FRMD4A: variants seen among roughly 807,000 people sequenced by gnomAD.
The protein encoded by FRMD4A is FERM domain containing 4A.
Under a neutral mutation model 129.1 loss-of-function variants are expected in FRMD4A, and 29 were observed. The ratio of observed to expected loss-of-function variants is 0.22; its 90% CI spans 0.17 to 0.31. The LOEUF is 0.31. Among genes scored for constraint, FRMD4A ranks in the 10% least tolerant of loss-of-function variants. FRMD4A has a pLI of 1.00. For synonymous variants in FRMD4A, 634 were observed against 571.6 expected, an observed-to-expected ratio of 1.11 and a Z score of -1.56; for missense variants, 1,272 against 1,375.8, an observed-to-expected ratio of 0.92 and a Z score of 1.19.
At position 13,821,402 on chromosome 10, in the gene FRMD4A, G is replaced by A. The variant is rs139454554; in HGVS notation, c.112-10494C>T. Among the ~76,000 whole-genome samples, 1 of 152,272 alleles carries A rather than the reference G, an allele frequency of 6.6e-6. No individual in the cohort carries two copies. Among genetic ancestry groups the A allele is most frequent in the African/African-American group, 2.4e-5 (1 of 41,548 alleles). On this transcript the variant is annotated intron_variant, in intron 3 of 24. Transcript: ENST00000357447. The surrounding 1 kb of genome is among the most constrained non-coding windows in gnomAD (Gnocchi z 4.3). ...GAGAGACCCCGAAGCCAAGATCAGA[G>A]ACCCGCCTGCCAGAGGTGGCATCTC...
chr10:14,091,794 A>G (rs1421147048), intron 2 of FRMD4A, among the ~76,000 whole-genome samples: 1 of 152,252 alleles, frequency 6.6e-6, no homozygotes, highest in Non-Finnish European at 1.5e-5. Context: ...GAGGAAACCA[A>G]TAGAAGCTTG....
In FRMD4A at chr10:13,750,085, A is replaced by G. The variant is rs1007670107; in HGVS notation, c.465-2266T>C. On this transcript the variant is annotated intron_variant, in intron 8 of 24. Transcript: ENST00000357447. ...GGAAGGAAGGAAGAAAGAAAGAAAG[A>G]AAGAAAGAAAGAAAGAAAGAAATGA... is the stretch of plus-strand genomic sequence containing the variant. 6.1e-3 allele frequency among the ~76,000 whole-genome samples: 495 copies of G among 80,670 alleles called. 8 individuals are homozygous for G. The highest frequency in any genetic ancestry group is 0.053 in the South Asian group (104 of 1,958). The allele number at this position is 80,670 out of a possible 152,430, so 52.9% of individuals were successfully genotyped here.
chr10:13,994,858 C>T (rs759726268), intron 2 of FRMD4A, among the ~76,000 whole-genome samples: 6 of 152,200 alleles, frequency 3.9e-5, no homozygotes, highest in Non-Finnish European at 7.3e-5. Flanking sequence ...TTCCAGGTTG[C>T]AATGTGCCTC....
At chr10:14,153,073 C>G (rs1374799196) in intron 2 of FRMD4A, among the ~76,000 whole-genome samples, 1 of 152,152 alleles carries the variant, frequency 6.6e-6, no homozygotes, top group Non-Finnish European at 1.5e-5. Context: ...GCCCTACTGC[C>G]CTACTGTGGT....
At chr10:13,862,495 G>C (rs2094308263) in intron 2 of FRMD4A, among the ~76,000 whole-genome samples, 1 of 152,200 alleles carries the variant, frequency 6.6e-6, no homozygotes, top group Admixed American at 6.5e-5. Context: ...ATTTAAGGAA[G>C]TAACTATTTA....
At chr10:13,935,906 CCATTGCAT>C (rs61238756) in intron 2 of FRMD4A, among the ~76,000 whole-genome samples, 4,861 of 152,258 alleles carry the variant, frequency 0.032, 319 homozygotes, top group East Asian at 0.26. Context: ...TGTGTGCTTT[CCATTGCAT>C]CAGGTTGCCC....
intron 2 of FRMD4A, among the ~76,000 whole-genome samples, chr10:14,111,661 C>A (rs948727306): frequency 1.3e-5 from 2 of 151,952 alleles, no homozygotes; most frequent in South Asian, 2.1e-4. Flanking sequence ...TGAAACCTAC[C>A]TACTATGGGC....
chr10:14,262,795 G>C (rs1301392409), intron 2 of FRMD4A, among the ~76,000 whole-genome samples: 1 of 152,194 alleles, frequency 6.6e-6, no homozygotes. Flanking sequence ...AGACCACCAT[G>C]CTGGTTCATG....
Position 14,188,390 on chromosome 10 carries a change from A to G in FRMD4A, c.45+141668T>C, listed in dbSNP as rs78762500. ...TATTGAAAATGTATAATAGCTTCTC[A>G]TTATACAAGCTCTTCACTTTGGCTT... On this transcript the variant is annotated intron_variant, in intron 2 of 24. Transcript: ENST00000357447. 8.2e-3 allele frequency among the ~76,000 whole-genome samples: 1,246 copies of G among 152,226 alleles called. 14 individuals carry two copies. The highest frequency in any genetic ancestry group is 0.028 in the African/African-American group (1,173 of 41,528).
intron 16 of FRMD4A, among the ~76,000 whole-genome samples, chr10:13,670,869 TGCCAGGCAAGGTCACCCA>T (rs950822433): frequency 6.6e-6 from 1 of 152,220 alleles, no homozygotes; most frequent in African/African-American, 2.4e-5. Context: ...GCCTCCTCTG[TGCCAGGCAAGGTCACCCA>T]GCCAGTGAGG....
intron 12 of FRMD4A, chr10:13,729,544 T>G (rs964172242): frequency 6.6e-6 from 1 of 152,220 alleles, no homozygotes; most frequent in African/African-American, 2.4e-5. Flanking sequence ...TGTCTCATCA[T>G]CTCATTTCAT....
chr10:14,318,612 CAAA>C (rs66547751), intron 2 of FRMD4A, among the ~76,000 whole-genome samples: 149 of 135,014 alleles, frequency 1.1e-3, no homozygotes, highest in Middle Eastern at 3.8e-3. Context: ...TGCTAGTATG[CAAA>C]AAAAAAAAAA....
chr10:14,320,039 A>C (rs576152011), intron 2 of FRMD4A, among the ~76,000 whole-genome samples: 2 of 151,998 alleles, frequency 1.3e-5, no homozygotes, highest in South Asian at 4.2e-4. Context: ...AGAATGTTTC[A>C]GAATTCATTC....
intron 2 of FRMD4A, among the ~76,000 whole-genome samples, chr10:14,300,239 A>C (rs892889187): frequency 3.9e-5 from 6 of 152,118 alleles, no homozygotes; most frequent in Admixed American, 6.6e-5. Flanking sequence ...CTCTGACGTT[A>C]AACTGCTTTA....
At chr10:14,315,877 A>G (rs1846720667) in intron 2 of FRMD4A, among the ~76,000 whole-genome samples, 1 of 152,176 alleles carries the variant, frequency 6.6e-6, no homozygotes, top group Non-Finnish European at 1.5e-5. Context: ...AACACTTACT[A>G]TGTGCCAGAC....
chr10:14,285,895 T>A (rs1195107916), intron 2 of FRMD4A, among the ~76,000 whole-genome samples: 1 of 152,178 alleles, frequency 6.6e-6, no homozygotes, highest in African/African-American at 2.4e-5. Flanking sequence ...ATGATGATGT[T>A]TTGGGCTGAA....
In FRMD4A at chr10:13,852,722, C is replaced by T. The variant is rs556947276; in HGVS notation, c.111+6125G>A. 1.1e-4 allele frequency among the ~76,000 whole-genome samples: 17 copies of T among 151,964 alleles called. 1 individual carries two copies. The highest frequency in any genetic ancestry group is 4.1e-4 in the African/African-American group (17 of 41,360). ...GTGATTTATACTTGCTCACAGCTGG[C>T]GTGTGATTTATGCTTGCACACAGCT... On this transcript the variant is annotated intron_variant, in intron 3 of 24. Transcript: ENST00000357447.
intron 2 of FRMD4A, among the ~76,000 whole-genome samples, chr10:14,239,584 G>A (rs1482064828): frequency 3.9e-5 from 6 of 151,922 alleles, no homozygotes; most frequent in African/African-American, 7.3e-5. Context: ...CCGAGATTGC[G>A]CCACTGCACT....
chr10:13,679,249 C>G (rs2084262269), intron 15 of FRMD4A, among the ~76,000 whole-genome samples: 1 of 149,962 alleles, frequency 6.7e-6, no homozygotes. Flanking sequence ...TGGTGAAACC[C>G]CATCTCTACT....
Sources: allele counts gnomAD v4.1 joint callset (sites outside exome capture counted in the v4.1 genomes callset), GRCh38; gene constraint gnomAD v4.1.1; non-coding constraint Gnocchi (gnomAD v3.1); transcripts MANE v1.5; gene names NCBI Gene and HGNC (gene_info 2026-07-23, HGNC 2026-07-21).